HEPH: variants seen among roughly 807,000 people sequenced by gnomAD.
HEPH encodes the protein hephaestin.
HEPH carries 69 observed loss-of-function variants against 80.8 expected under a neutral mutation model. The observed-to-expected ratio is 0.85, with a 90% CI of 0.70 to 1.04. The LOEUF is 1.04. Ranked by LOEUF, HEPH falls within the 50% of genes least tolerant of loss-of-function variation. The pLI is 0.00. For synonymous variants in HEPH, 431 were observed against 322.8 expected (o/e 1.34, Z -3.60); for missense variants, 1,115 against 891.3 (o/e 1.25, Z -3.20).
intron 15 of HEPH, among the ~76,000 whole-genome samples, chrX:66,228,705 G>A (rs2089994146): frequency 8.9e-6 from 1 of 111,755 alleles, no homozygotes; most frequent in South Asian, 3.7e-4. Context: ...CCATCAAAAT[G>A]TGGGCTAAGG....
intron 15 of HEPH, among the ~76,000 whole-genome samples, chrX:66,243,632 G>A (rs188636102): frequency 6.2e-5 from 7 of 113,023 alleles, no homozygotes; most frequent in South Asian, 3.6e-4. Flanking sequence ...TTGGCACTTC[G>A]TGCCTTTGAA....
At chrX:66,243,487 C>A (rs1038352357) in intron 15 of HEPH, among the ~76,000 whole-genome samples, 1 of 112,796 alleles carries the variant, frequency 8.9e-6, no homozygotes, top group Non-Finnish European at 1.9e-5. Flanking sequence ...GGAATAGCAA[C>A]TCCTGCTTTC....
intron 15 of HEPH, among the ~76,000 whole-genome samples, chrX:66,232,527 G>T (rs968989921): frequency 9.0e-6 from 1 of 111,089 alleles, no homozygotes; most frequent in Non-Finnish European, 1.9e-5. Context: ...TATAATGTCC[G>T]TATGAAATCC....
intron 6 of HEPH, among the ~76,000 whole-genome samples, chrX:66,190,477 C>T (rs1042840405): frequency 9.0e-6 from 1 of 110,999 alleles, no homozygotes; most frequent in Non-Finnish European, 1.9e-5. Context: ...GGAGGAAGAG[C>T]GTATGAAGCA....
chrX:66,254,086 G>A (rs991128957), intron 15 of HEPH, among the ~76,000 whole-genome samples: 1 of 111,495 alleles, frequency 9.0e-6, no homozygotes, highest in African/African-American at 3.3e-5. Flanking sequence ...GAATTGTATG[G>A]CATGCAAATT....
chrX:66,208,324 A>C lies in HEPH; in HGVS notation c.2563+78A>C, dbSNP rs757648455. ...AGGCTTCTGGATTTTTCCTTAAAAA[A>C]TTAATGTACTTCAGACTGGAGTGAT... On this transcript the variant is annotated intron_variant, in intron 15 of 20. Coordinates refer to ENST00000343002, the MANE Select transcript of HEPH (RefSeq NM_001367233.3). 108 of 985,606 alleles carry C rather than the reference A, an allele frequency of 1.1e-4. No homozygotes were observed. The Admixed American group carries it at 1.3e-3, about 12-fold the overall frequency. 81.2% of individuals were successfully genotyped at this position (985,606 alleles called of 1,213,427 possible).
chrX:66,192,026 G>A (rs147158492), intron 6 of HEPH, 104 bp from the exon 7 acceptor site: 2 of 797,648 alleles, frequency 2.5e-6, no homozygotes, highest in Non-Finnish European at 3.6e-6. Context: ...AAAGAGAGTA[G>A]TGGAGGGTGG....
chrX:66,199,020 G>A lies in HEPH; in HGVS notation c.1856G>A (p.Arg619Gln), dbSNP rs778854861. The A allele has an allele frequency of 4.1e-5, 49 of 1,208,599 alleles. No homozygotes were observed. In the South Asian group the frequency reaches 6.9e-4, roughly 17 times the overall value. Residue 619 changes from arginine (R) to glutamine (Q), a missense_variant, in exon 11 of 21, where the codon CGG (arginine) becomes CAG (glutamine). By Grantham distance (43) the Arg-to-Gln change is conservative. Around this residue, in one of 3 missense-constraint regions of HEPH, gnomAD observed 716 missense variants for 523.5 expected, o/e 1.37. Coordinates refer to ENST00000343002, the MANE Select transcript of HEPH (RefSeq NM_001367233.3). ...EDIEGFQDSN[R>Q]MHAINGFLFS... ...ATTGAGGGCTTCCAAGACTCCAATCGGATGCATGGTATGGGGAGTACTTTT... is the reference window on the plus strand; with the variant it reads ...ATTGAGGGCTTCCAAGACTCCAATCAGATGCATGGTATGGGGAGTACTTTT...
chrX:66,192,596 G>T (rs1314690097), intron 7 of HEPH, among the ~76,000 whole-genome samples: 1 of 111,763 alleles, frequency 8.9e-6, no homozygotes, highest in East Asian at 2.8e-4. Flanking sequence ...AAGCCCAGGT[G>T]GGACCAGTTC....
chrX:66,195,204 C>G lies in HEPH; in HGVS notation c.1476C>G (p.Asp492Glu). 1 of 1,197,499 alleles carries G rather than the reference C, an allele frequency of 8.4e-7. No individual in the cohort carries two copies. The highest frequency in any genetic ancestry group is 1.1e-6 in the Non-Finnish European group (1 of 888,744). Reference sequence around the variant, plus strand: ...CCCATGGGGTCTTTTATGAGAAAGACTATGAAGGCACTGTGTACAATGATG... The same window carrying G: ...CCCATGGGGTCTTTTATGAGAAAGAGTATGAAGGCACTGTGTACAATGATG... ...MQPHGVFYEKDYEGTVYNDGS... is the reference protein window; with the variant it reads ...MQPHGVFYEKEYEGTVYNDGS... The change falls in exon 9 of 21, where the codon GAC becomes GAG. Residue 492 changes from aspartate to glutamate, a missense_variant. Coordinates refer to ENST00000343002, the MANE Select transcript of HEPH (RefSeq NM_001367233.3).
intron 15 of HEPH, among the ~76,000 whole-genome samples, chrX:66,226,277 A>G (rs1018690286): frequency 1.8e-5 from 2 of 111,886 alleles, no homozygotes; most frequent in Admixed American, 9.5e-5. Context: ...GCATAAGTCA[A>G]TATGAGGGGT....
rs192220193 is a variant in HEPH, at chrX:66,241,509, A to G, written c.2564-13526A>G. On this transcript the variant is annotated intron_variant, in intron 15 of 20. Coordinates refer to ENST00000343002, the MANE Select transcript of HEPH (RefSeq NM_001367233.3). ...AAACCAACAACAATCAAAAAGGCCA[A>G]ACAGGGGTACTATATAATGATAAAG... is the stretch of plus-strand genomic sequence containing the variant. Among the ~76,000 whole-genome samples, 288 of 111,832 alleles carry G rather than the reference A, an allele frequency of 2.6e-3. 3 individuals carry two copies. Among genetic ancestry groups the G allele is most frequent in the African/African-American group, 8.8e-3 (271 of 30,829 alleles).
chrX:66,202,616 T>C (rs2088520700), intron 12 of HEPH, among the ~76,000 whole-genome samples: 2 of 110,813 alleles, frequency 1.8e-5, no homozygotes, highest in Non-Finnish European at 3.8e-5. Context: ...AGCATCCCTC[T>C]GCAATCAAGA....
At position 66,266,759 on chromosome X, in the gene HEPH, A is replaced by C; in HGVS notation, c.*87A>C. On this transcript the variant is annotated 3_prime_UTR_variant, in exon 21 of 21. Coordinates refer to ENST00000343002, the MANE Select transcript of HEPH (RefSeq NM_001367233.3). ...GACTAGTCACTAACCCCACACTCAA[A>C]GGGGCATGGGTGGTGGAGAAGCAGA... 1.8e-6 allele frequency: 1 copy of C among 570,082 alleles called. No individual in the cohort carries two copies. Among genetic ancestry groups the C allele is most frequent in the South Asian group, 2.9e-5 (1 of 34,416 alleles). The allele number at this position is 570,082 out of a possible 1,213,427, so 47.0% of individuals were successfully genotyped here. A position where few individuals can be genotyped will look rare whatever the true frequency, so the allele number is the denominator to read the frequency against.
chrX:66,216,528 C>G (rs1461651891), intron 15 of HEPH, among the ~76,000 whole-genome samples: 1 of 112,004 alleles, frequency 8.9e-6, no homozygotes, highest in Non-Finnish European at 1.9e-5. Flanking sequence ...GGGAGAGCAC[C>G]ACATCCAGGG....
At chrX:66,227,165 G>C (rs1254019545) in intron 15 of HEPH, among the ~76,000 whole-genome samples, 1 of 111,843 alleles carries the variant, frequency 8.9e-6, no homozygotes, top group Admixed American at 9.4e-5. Flanking sequence ...CACATAAATA[G>C]AATTAAAAAC....
intron 17 of HEPH, among the ~76,000 whole-genome samples, chrX:66,256,580 G>A (rs770856229): frequency 3.6e-5 from 4 of 111,746 alleles, no homozygotes; most frequent in African/African-American, 6.5e-5. Flanking sequence ...TTGCCATGGC[G>A]ATACCAGAAA....
chrX:66,223,584 G>T (rs371777099), intron 15 of HEPH, among the ~76,000 whole-genome samples: 1 of 111,726 alleles, frequency 9.0e-6, no homozygotes, highest in East Asian at 2.8e-4. Flanking sequence ...GAGCAGGTTA[G>T]TGCTTTAAGA....
At chrX:66,167,962 G>A (rs1220499801) in intron 1 of HEPH, among the ~76,000 whole-genome samples, 1 of 112,080 alleles carries the variant, frequency 8.9e-6, no homozygotes, top group Non-Finnish European at 1.9e-5. Flanking sequence ...AACAATAGCT[G>A]TTATTGCCCA....
Sources: allele counts gnomAD v4.1 joint callset (sites outside exome capture counted in the v4.1 genomes callset), GRCh38; gene constraint gnomAD v4.1.1; regional missense constraint gnomAD v4.1.1; transcripts MANE v1.5; gene names NCBI Gene and HGNC (gene_info 2026-07-23, HGNC 2026-07-21).